GRID2: variants seen among roughly 807,000 people sequenced by gnomAD.
The protein encoded by GRID2 is glutamate ionotropic receptor delta type subunit 2, also known as glutamate receptor ionotropic, delta-2.
A neutral mutation model predicts 114.8 loss-of-function variants in GRID2; 33 were observed. The observed-to-expected ratio is 0.29, with a 90% confidence interval of 0.22 to 0.38. The LOEUF is 0.38. Among genes scored for constraint, GRID2 ranks in the 10% least tolerant of loss-of-function variants. The pLI is 1.00. For synonymous variants in GRID2, 505 were observed against 449.9 expected, an observed-to-expected ratio of 1.12 and a Z score of -1.55; for missense variants, 1,184 against 1,257.7, an observed-to-expected ratio of 0.94 and a Z score of 0.89.
intron 12 of GRID2, among the ~76,000 whole-genome samples, chr4:93,498,993 G>GAAA (rs1384407234): frequency 1.3e-5 from 2 of 151,874 alleles, no homozygotes; most frequent in Non-Finnish European, 2.9e-5. Flanking sequence ...ATGAATAGGT[G>GAAA]TTGGATTTTG....
intron 2 of GRID2, among the ~76,000 whole-genome samples, chr4:92,803,915 G>A (rs116667814): frequency 6.6e-6 from 1 of 151,878 alleles, no homozygotes; most frequent in African/African-American, 2.4e-5. Flanking sequence ...CTCTCCAAAG[G>A]CTCTAGGGAT....
chr4:92,827,044 T>C (rs1741753687), intron 2 of GRID2, among the ~76,000 whole-genome samples: 1 of 152,030 alleles, frequency 6.6e-6, no homozygotes, highest in Admixed American at 6.6e-5. Context: ...TGAAATACAC[T>C]TCTCCCCTCC....
At chr4:93,645,682 T>C (rs781532488) in intron 14 of GRID2, among the ~76,000 whole-genome samples, 31 of 152,146 alleles carry the variant, frequency 2.0e-4, no homozygotes, top group Admixed American at 1.6e-3. Flanking sequence ...ATACATTTTG[T>C]GGACCTCACC....
intron 2 of GRID2, among the ~76,000 whole-genome samples, chr4:93,016,920 G>A (rs760198077): frequency 3.1e-4 from 47 of 151,888 alleles, no homozygotes; most frequent in Non-Finnish European, 2.1e-4. Flanking sequence ...AGCTAAAACC[G>A]TTGCTTAAAA....
chr4:93,127,657 C>T (rs1346844377), intron 4 of GRID2, among the ~76,000 whole-genome samples: 1 of 152,004 alleles, frequency 6.6e-6, no homozygotes, highest in South Asian at 2.1e-4. Flanking sequence ...AAAGTAGTTT[C>T]AGGTCACACA....
At chr4:92,680,030 G>A (rs1733571791) in intron 2 of GRID2, among the ~76,000 whole-genome samples, 1 of 151,930 alleles carries the variant, frequency 6.6e-6, no homozygotes, top group Admixed American at 6.6e-5. Context: ...CTGGCTTAGG[G>A]GAAAAGGGTT....
chr4:92,680,209 T>C (rs1733582193), intron 2 of GRID2, among the ~76,000 whole-genome samples: 1 of 152,102 alleles, frequency 6.6e-6, no homozygotes, highest in East Asian at 1.9e-4. Flanking sequence ...TTTTTTACCA[T>C]GGTGGATGCG....
chr4:92,689,575 C>T lies in GRID2; in HGVS notation c.244+99289C>T, dbSNP rs377025193. 1.6e-4 allele frequency among the ~76,000 whole-genome samples: 25 copies of T among 152,314 alleles called. No individual in the cohort carries two copies. The East Asian group carries it at 2.3e-3, about 14-fold the overall frequency. On this transcript the variant is annotated intron_variant, in intron 2 of 15. Coordinates refer to ENST00000282020, the MANE Select transcript of GRID2 (RefSeq NM_001510.4). ...AGTTTGAATCCTGTTGTGTGAACTGCACATGCAAAGGAGCTAGGTTAAGCA... is the reference window on the plus strand; with the variant it reads ...AGTTTGAATCCTGTTGTGTGAACTGTACATGCAAAGGAGCTAGGTTAAGCA...
intron 2 of GRID2, among the ~76,000 whole-genome samples, chr4:92,850,627 C>G (rs368870526): frequency 6.6e-6 from 1 of 151,838 alleles, no homozygotes; most frequent in Admixed American, 6.6e-5. Context: ...TCCTAAGGAG[C>G]TAGCCACTTT....
chr4:92,491,989 G>C (rs1723166750), intron 1 of GRID2, among the ~76,000 whole-genome samples: 2 of 152,134 alleles, frequency 1.3e-5, no homozygotes, highest in African/African-American at 4.8e-5. Context: ...AACATTTTCT[G>C]TGAGGATGGG....
chr4:93,778,672 A>G (rs546881463), downstream of GRID2, among the ~76,000 whole-genome samples: 6 of 152,328 alleles, frequency 3.9e-5, no homozygotes, highest in Non-Finnish European at 7.4e-5. Flanking sequence ...TGCTGAGATT[A>G]CAGGCGTGAG....
At chr4:93,271,989 T>A (rs1418260037) in intron 8 of GRID2, among the ~76,000 whole-genome samples, 1 of 152,140 alleles carries the variant, frequency 6.6e-6, no homozygotes, top group Non-Finnish European at 1.5e-5. Context: ...AACCTGAAGA[T>A]TAAGGGTAAT....
At chr4:93,585,874 A>T (rs1340211049) in intron 13 of GRID2, among the ~76,000 whole-genome samples, 3 of 152,116 alleles carry the variant, frequency 2.0e-5, no homozygotes, top group African/African-American at 7.2e-5. Context: ...TGGCATATCC[A>T]CCTTTAGTTA....
chr4:92,411,814 T>A (rs1255227703), intron 1 of GRID2, among the ~76,000 whole-genome samples: 1 of 151,630 alleles, frequency 6.6e-6, no homozygotes, highest in Non-Finnish European at 1.5e-5. Context: ...CACGCCATTC[T>A]CCTGCCTCAG....
At chr4:92,688,250 A>G (rs1734017405) in intron 2 of GRID2, among the ~76,000 whole-genome samples, 2 of 150,930 alleles carry the variant, frequency 1.3e-5, no homozygotes, top group Admixed American at 6.6e-5. Flanking sequence ...GGGTTTCACT[A>G]TTTTGGCCAG....
intron 13 of GRID2, among the ~76,000 whole-genome samples, chr4:93,605,006 T>A (rs1290002278): frequency 6.6e-6 from 1 of 152,168 alleles, no homozygotes; most frequent in Non-Finnish European, 1.5e-5. Flanking sequence ...CTGCAGTATC[T>A]CTGAGGTATG....
chr4:92,551,254 C>CTGTG (rs34809917), intron 1 of GRID2, among the ~76,000 whole-genome samples: 4,750 of 146,920 alleles, frequency 0.032, 64 homozygotes, highest in Middle Eastern at 0.039. Context: ...ACATCTACAC[C>CTGTG]TGTGTGTGTG....
intron 2 of GRID2, among the ~76,000 whole-genome samples, chr4:93,076,722 A>T (rs997018910): frequency 1.3e-5 from 2 of 149,890 alleles, no homozygotes; most frequent in Non-Finnish European, 1.5e-5. Flanking sequence ...GGTTCAAGCA[A>T]TTCTCCTGCC....
intron 1 of GRID2, among the ~76,000 whole-genome samples, chr4:92,355,555 T>A (rs999755630): frequency 6.6e-6 from 1 of 151,884 alleles, no homozygotes; most frequent in Non-Finnish European, 1.5e-5. Context: ...CAGAGCTGAC[T>A]TACTCTCATA....
Sources: gnomAD v4.1 joint callset for allele counts (sites outside exome capture counted in the v4.1 genomes callset) on GRCh38, gnomAD v4.1.1 for gene constraint, MANE v1.5 for transcripts, NCBI Gene and HGNC (gene_info 2026-07-23, HGNC 2026-07-21) for gene names.